PGR: variants seen among roughly 807,000 people sequenced by gnomAD.
The protein encoded by PGR is progesterone receptor, also known as nuclear receptor subfamily 3 group C member 3.
A neutral mutation model predicts 76.1 loss-of-function variants in PGR; 25 were observed. The observed-to-expected ratio is 0.33, with a 90% CI of 0.24 to 0.46. The LOEUF (loss-of-function observed/expected upper bound fraction) is 0.46. PGR is among the 20% of genes least tolerant of loss of function. The pLI is 1.00. For synonymous variants in PGR, 579 were observed against 535.0 expected, an observed-to-expected ratio of 1.08 and a Z score of -1.14; for missense variants, 1,172 against 1,225.3, an observed-to-expected ratio of 0.96 and a Z score of 0.65.
Position 101,128,391 on chromosome 11 carries a change from G to A in PGR, c.680C>T (p.Ser227Phe), listed in dbSNP as rs781341961. 5.0e-6 allele frequency: 8 copies of A among 1,609,698 alleles called. No homozygotes were observed. The highest frequency in any genetic ancestry group is 6.8e-6 in the Non-Finnish European group (8 of 1,179,832). The change falls in exon 1 of 8, where the codon TCT (serine) becomes TTT (phenylalanine). Residue 227 changes from serine (S) to phenylalanine (F), a missense_variant. Physicochemically the swap from Ser to Phe is radical, Grantham distance 155. Around this residue, in one of 4 missense-constraint regions of PGR, gnomAD observed 893 missense variants for 785.9 expected, o/e 1.14. Coordinates refer to ENST00000325455, the MANE Select transcript of PGR (RefSeq NM_000926.4). ...AAVEVEEEDG[S>F]ESEESAGPLL... ...CGGACCCGCAGACTCCTCGGACTCAGAGCCATCCTCCTCCTCAACCTCCAC... is the reference window on the plus strand; with the variant it reads ...CGGACCCGCAGACTCCTCGGACTCAAAGCCATCCTCCTCCTCAACCTCCAC...
chr11:101,049,305 T>A (rs1437929710), intron 6 of PGR, among the ~76,000 whole-genome samples: 1 of 152,112 alleles, frequency 6.6e-6, no homozygotes, highest in African/African-American at 2.4e-5. Flanking sequence ...CAGACCTGCC[T>A]GAGGCTGTTT....
At chr11:101,101,996 C>A (rs1331694679) in intron 2 of PGR, among the ~76,000 whole-genome samples, 1 of 152,068 alleles carries the variant, frequency 6.6e-6, no homozygotes, top group African/African-American at 2.4e-5. Context: ...AAACGTTTAA[C>A]TGGCATATAA....
chr11:101,066,336 A>G (rs1860713866), intron 3 of PGR, among the ~76,000 whole-genome samples: 1 of 152,172 alleles, frequency 6.6e-6, no homozygotes, highest in Admixed American at 6.5e-5. Flanking sequence ...TAACGCTCTT[A>G]TTCATTTGGC....
intron 4 of PGR, 105 bp from the exon 5 acceptor site, chr11:101,051,673 A>C (rs578029): frequency 1.2e-5 from 10 of 815,336 alleles, no homozygotes; most frequent in Non-Finnish European, 2.1e-5. Context: ...TAGGGTAATA[A>C]AATGTTTTCA....
chr11:101,110,574 G>C (rs1175248095), intron 2 of PGR, among the ~76,000 whole-genome samples: 1 of 152,180 alleles, frequency 6.6e-6, no homozygotes, highest in African/African-American at 2.4e-5. Context: ...GCGGTTTCTT[G>C]AGATTCAATC....
intron 2 of PGR, among the ~76,000 whole-genome samples, chr11:101,122,705 T>C (rs1205726530): frequency 6.6e-6 from 1 of 152,118 alleles, no homozygotes; most frequent in Non-Finnish European, 1.5e-5. Flanking sequence ...TCCTGAGTGG[T>C]ATCTTATTTC....
intron 3 of PGR, among the ~76,000 whole-genome samples, chr11:101,082,772 G>C (rs983131241): frequency 6.6e-6 from 1 of 152,128 alleles, no homozygotes; most frequent in Non-Finnish European, 1.5e-5. Context: ...CATGAAAAAA[G>C]AGATTATCTG....
At chr11:101,086,045 C>T (rs1477594038) in intron 3 of PGR, among the ~76,000 whole-genome samples, 1 of 152,174 alleles carries the variant, frequency 6.6e-6, no homozygotes, top group Non-Finnish European at 1.5e-5. Context: ...ACCAATTCTA[C>T]TGAAACTATT....
intron 3 of PGR, among the ~76,000 whole-genome samples, chr11:101,084,550 C>T (rs945111621): frequency 2.6e-5 from 4 of 151,800 alleles, no homozygotes; most frequent in African/African-American, 9.7e-5. Context: ...CCCAGCTACT[C>T]CGGAGGCTGA....
At chr11:101,087,781 C>G (rs1861542679) in intron 3 of PGR, among the ~76,000 whole-genome samples, 2 of 151,416 alleles carry the variant, frequency 1.3e-5, no homozygotes, top group African/African-American at 4.9e-5. Context: ...AAGACTTGAA[C>G]AGACATTTCT....
intron 2 of PGR, among the ~76,000 whole-genome samples, chr11:101,124,382 T>G (rs1192866109): frequency 6.6e-6 from 1 of 152,202 alleles, no homozygotes; most frequent in Non-Finnish European, 1.5e-5. Context: ...ATATATCTAC[T>G]TTTGCATATC....
At chr11:101,105,293 G>A (rs1216013553) in intron 2 of PGR, among the ~76,000 whole-genome samples, 6 of 152,066 alleles carry the variant, frequency 3.9e-5, no homozygotes, top group East Asian at 1.9e-4. Context: ...CTTCTAAGTC[G>A]AGGGCAGACT....
At chr11:101,102,786 G>A (rs528656547) in intron 2 of PGR, among the ~76,000 whole-genome samples, 28 of 143,014 alleles carry the variant, frequency 2.0e-4, no homozygotes, top group Non-Finnish European at 3.0e-4. Context: ...CTCTAGAACA[G>A]CAGTCCCTAA....
chr11:101,128,025 G>C lies in PGR; in HGVS notation c.1046C>G (p.Ser349Trp). 6.2e-7 allele frequency: 1 copy of C among 1,608,634 alleles called. No homozygotes were observed. The highest frequency in any genetic ancestry group is 1.3e-5 in the African/African-American group (1 of 75,048). Residue 349 changes from serine (S) to tryptophan (W), a missense_variant, in exon 1 of 8, where the codon TCG (serine) becomes TGG (tryptophan). This residue lies in a region of PGR where 893 missense variants were observed against 785.9 expected (regional missense o/e 1.14). Coordinates refer to ENST00000325455, the MANE Select transcript of PGR (RefSeq NM_000926.4). ...GTCGCCTACAGCGACCGGGGTGGAC[G>C]AGGCACAGGGTGAACTCCGCGGCGG... ...FAPPRSSPCA[S>W]STPVAVGDFP...
intron 3 of PGR, among the ~76,000 whole-genome samples, chr11:101,090,737 C>T (rs1861651532): frequency 6.6e-6 from 1 of 152,148 alleles, no homozygotes; most frequent in Non-Finnish European, 1.5e-5. Flanking sequence ...AATCTTTAAT[C>T]AAGAAATTAT....
chr11:101,083,066 A>C (rs1227771266), intron 3 of PGR, among the ~76,000 whole-genome samples: 2 of 152,216 alleles, frequency 1.3e-5, no homozygotes, highest in Non-Finnish European at 2.9e-5. Context: ...CCCAGGGCCT[A>C]GCTACTCTGT....
At position 101,034,003 on chromosome 11, in the gene PGR, A is replaced by C. The variant is rs1859431485; in HGVS notation, c.*5113T>G. On this transcript the variant is annotated 3_prime_UTR_variant, in exon 8 of 8. Transcript: ENST00000325455. ...ATATTTTATTCATATCTATCCGAAT[A>C]TTGACCAGGACACTAATGCCACACT... The C allele has an allele frequency of 4.3e-6, 1 of 230,100 alleles. No individual in the cohort carries two copies. Among genetic ancestry groups the C allele is most frequent in the Admixed American group, 5.7e-5 (1 of 17,678 alleles). The allele number at this position is 230,100 out of a possible 1,614,324, so 14.3% of individuals were successfully genotyped here.
Position 101,127,771 on chromosome 11 carries a change from G to C in PGR, c.1300C>G (p.Pro434Ala). Residue 434 changes from proline (P) to alanine (A), a missense_variant, in exon 1 of 8, where the codon CCC becomes GCC. This residue lies in a region of PGR where 893 missense variants were observed against 785.9 expected (regional missense o/e 1.14). Coordinates refer to ENST00000325455, the MANE Select transcript of PGR (RefSeq NM_000926.4). ...GCGGCCGTCACCGCCGCTTCCCCGG[G>C]TCTGGATGGGGTCGCTCGCGGCGGC... The part of the protein sequence containing the change: ...PLPPRATPSR[P>A]GEAAVTAAPA... 1 of 1,563,434 alleles carries C rather than the reference G, an allele frequency of 6.4e-7. No individual in the cohort carries two copies.
intron 3 of PGR, among the ~76,000 whole-genome samples, chr11:101,077,067 G>A (rs1481784798): frequency 6.6e-6 from 1 of 151,258 alleles, no homozygotes; most frequent in Non-Finnish European, 1.5e-5. Context: ...TAATTCAGAA[G>A]TTTTAATTTG....
Sources: gnomAD v4.1 joint callset for allele counts (sites outside exome capture counted in the v4.1 genomes callset) on GRCh38, gnomAD v4.1.1 for gene constraint, gnomAD v4.1.1 regional missense constraint, MANE v1.5 for transcripts, NCBI Gene and HGNC (gene_info 2026-07-23, HGNC 2026-07-21) for gene names.